Variants in NAALADL2 observed in about 807,000 individuals in gnomAD.
NAALADL2 encodes N-acetylated alpha-linked acidic dipeptidase like 2.
A neutral mutation model predicts 87.2 loss-of-function variants in NAALADL2; 76 were observed. The ratio of observed to expected loss-of-function variants is 0.87; its 90% confidence interval spans 0.72 to 1.05. The LOEUF (loss-of-function observed/expected upper bound fraction) is 1.05. Ranked by LOEUF, NAALADL2 falls within the 50% of genes least tolerant of loss-of-function variation. NAALADL2 has a pLI of 0.00. For missense variants in NAALADL2, 1,089 were observed against 945.8 expected, an observed-to-expected ratio of 1.15 and a Z score of -1.99; for synonymous variants, 354 against 331.0, an observed-to-expected ratio of 1.07 and a Z score of -0.75.
chr3:175,214,412 C>T (rs1305887196), intron 2 of NAALADL2, among the ~76,000 whole-genome samples: 1 of 152,102 alleles, frequency 6.6e-6, no homozygotes, highest in African/African-American at 2.4e-5. Context: ...TGGATTCCGT[C>T]ATGACAGTTA....
chr3:175,760,042 C>T (rs551860898), intron 13 of NAALADL2, among the ~76,000 whole-genome samples: 5 of 151,840 alleles, frequency 3.3e-5, no homozygotes, highest in African/African-American at 4.8e-5. Flanking sequence ...AGGAAAGGCA[C>T]GGGGTGAAAA....
intron 5 of NAALADL2, among the ~76,000 whole-genome samples, chr3:175,424,417 T>G (rs546007214): frequency 3.3e-5 from 5 of 152,274 alleles, no homozygotes; most frequent in African/African-American, 1.2e-4. Context: ...CTTTAATCCA[T>G]CTTGAATTAA....
intron 5 of NAALADL2, among the ~76,000 whole-genome samples, chr3:175,379,950 C>CA (rs1286873012): frequency 1.3e-5 from 2 of 151,924 alleles, no homozygotes; most frequent in African/African-American, 4.8e-5. Flanking sequence ...ATCACAAGGA[C>CA]AAAAAACCAA....
intron 9 of NAALADL2, among the ~76,000 whole-genome samples, chr3:175,570,777 G>A (rs1203799835): frequency 2.0e-5 from 3 of 151,122 alleles, no homozygotes; most frequent in Non-Finnish European, 4.4e-5. Flanking sequence ...CTACTCGGGA[G>A]ACTGAGGCAG....
In NAALADL2 at chr3:175,013,119, T is replaced by TGTA. The variant is rs1553916749; in HGVS notation, c.44-83671_44-83670insGTA. ...ATAAATATACATATTTATATATAAA[T>TGTA]ATACATATTTATATATAAATATGTA... On this transcript the variant is annotated intron_variant, in intron 1 of 13. Transcript: ENST00000454872. Among the ~76,000 whole-genome samples, 34 of 23,590 alleles carry TGTA rather than the reference T, an allele frequency of 1.4e-3. 4 individuals carry two copies. The East Asian group carries it at 0.04, about 28-fold the overall frequency. 15.5% of individuals were successfully genotyped at this position (23,590 alleles called of 152,430 possible).
At chr3:175,014,619 AT>A (rs1197315059) in intron 1 of NAALADL2, among the ~76,000 whole-genome samples, 1 of 152,186 alleles carries the variant, frequency 6.6e-6, no homozygotes, top group Non-Finnish European at 1.5e-5. Context: ...CTATAATTAA[AT>A]GTGGGTAAAT....
At chr3:175,433,198 T>C (rs543256174) in intron 5 of NAALADL2, among the ~76,000 whole-genome samples, 1 of 152,018 alleles carries the variant, frequency 6.6e-6, no homozygotes, top group South Asian at 2.1e-4. Context: ...GAATAACTTC[T>C]TGGACTCTTT....
intron 2 of NAALADL2, among the ~76,000 whole-genome samples, chr3:175,102,541 A>G (rs926058483): frequency 6.6e-6 from 1 of 152,180 alleles, no homozygotes; most frequent in African/African-American, 2.4e-5. Flanking sequence ...TAAAGCAGTC[A>G]ATCACAGTAT....
chr3:174,809,647 TGAC>T (rs1719929302), intron 3 of NAALADL2, among the ~76,000 whole-genome samples: 1 of 124,784 alleles, frequency 8.0e-6, no homozygotes, highest in African/African-American at 3.7e-5. Context: ...AAAAATGGAC[TGAC>T]TTTTTTTTTA....
chr3:174,881,349 T>A (rs1046111872), intron 1 of NAALADL2, among the ~76,000 whole-genome samples: 1 of 152,092 alleles, frequency 6.6e-6, no homozygotes, highest in African/African-American at 2.4e-5. Context: ...TGTTTTAAAA[T>A]TTTTCAGGTT....
chr3:175,769,752 C>T (rs1008233829), intron 13 of NAALADL2, among the ~76,000 whole-genome samples: 1 of 151,228 alleles, frequency 6.6e-6, no homozygotes, highest in Non-Finnish European at 1.5e-5. Context: ...GTGTGTATGT[C>T]TCTGTGTGTG....
intron 9 of NAALADL2, among the ~76,000 whole-genome samples, chr3:175,531,442 A>C (rs527763375): frequency 1.8e-4 from 27 of 152,164 alleles, no homozygotes; most frequent in Non-Finnish European, 3.7e-4. Flanking sequence ...CAGATGTCTC[A>C]CCAATAAGTC....
At chr3:175,198,596 C>T (rs983406801) in intron 2 of NAALADL2, among the ~76,000 whole-genome samples, 1 of 152,006 alleles carries the variant, frequency 6.6e-6, no homozygotes, top group Non-Finnish European at 1.5e-5. Context: ...TTCTTACTTA[C>T]CTTGCCTTGA....
At chr3:175,718,665 C>T (rs564409428) in intron 11 of NAALADL2, 3 of 1,570,408 alleles carry the variant, frequency 1.9e-6, no homozygotes, top group Admixed American at 1.7e-5. Flanking sequence ...GTGGTGGCTG[C>T]CATCTTGCGT....
At chr3:175,002,985 A>G (rs947858208) in intron 1 of NAALADL2, among the ~76,000 whole-genome samples, 5 of 152,180 alleles carry the variant, frequency 3.3e-5, no homozygotes, top group African/African-American at 1.2e-4. Context: ...TGCTCACAAA[A>G]ATGCAAAGAT....
intron 2 of NAALADL2, among the ~76,000 whole-genome samples, chr3:175,209,639 T>C (rs2109249717): frequency 6.6e-6 from 1 of 152,016 alleles, no homozygotes; most frequent in Admixed American, 6.6e-5. Context: ...CATAAATAGA[T>C]TTTAAGGAAT....
At chr3:175,152,287 C>A (rs1731662682) in intron 2 of NAALADL2, among the ~76,000 whole-genome samples, 1 of 151,968 alleles carries the variant, frequency 6.6e-6, no homozygotes, top group Non-Finnish European at 1.5e-5. Context: ...AGTTATTTGC[C>A]CTTGTCCCTA....
intron 7 of NAALADL2, among the ~76,000 whole-genome samples, chr3:175,465,816 T>C (rs1024783375): frequency 6.6e-6 from 1 of 152,206 alleles, no homozygotes; most frequent in Admixed American, 6.5e-5. Context: ...TGCCAATTCC[T>C]GTGTGGAAAA....
At chr3:175,295,355 C>T (rs1163079534) in intron 4 of NAALADL2, among the ~76,000 whole-genome samples, 1 of 152,114 alleles carries the variant, frequency 6.6e-6, no homozygotes. Context: ...CTTAGCTCAA[C>T]CTGGCCAAAC....
Sources: gnomAD v4.1 joint callset for allele counts (sites outside exome capture counted in the v4.1 genomes callset) on GRCh38, gnomAD v4.1.1 for gene constraint, MANE v1.5 for transcripts, NCBI Gene and HGNC (gene_info 2026-07-23, HGNC 2026-07-21) for gene names.